The following MEGF10 variants were observed in gnomAD, a reference collection of about 807,000 sequenced individuals.
The protein encoded by MEGF10 is multiple epidermal growth factor-like domains protein 10.
In MEGF10, 86 loss-of-function variants were observed where a neutral mutation model predicts 147.5. The observed-to-expected ratio is 0.58, with a 90% CI of 0.49 to 0.70. MEGF10 has a LOEUF of 0.70. MEGF10 is among the 30% of genes least tolerant of loss of function. MEGF10 has a pLI of 0.00. For synonymous variants in MEGF10, 478 were observed against 525.5 expected, an observed-to-expected ratio of 0.91 and a Z score of 1.24; for missense variants, 1,329 against 1,487.3, an observed-to-expected ratio of 0.89 and a Z score of 1.75.
At chr5:127,357,780 T>G (rs1762332260) in intron 4 of MEGF10, among the ~76,000 whole-genome samples, 4 of 152,128 alleles carry the variant, frequency 2.6e-5, no homozygotes, top group Non-Finnish European at 4.4e-5. Flanking sequence ...CAATTTTATA[T>G]TTTAAACAAT....
chr5:127,384,907 C>T (rs1296024623), intron 5 of MEGF10, among the ~76,000 whole-genome samples: 1 of 152,114 alleles, frequency 6.6e-6, no homozygotes, highest in East Asian at 1.9e-4. Context: ...CTACCATTAA[C>T]AAAGGGAATG....
chr5:127,333,557 T>C (rs1761353463), intron 2 of MEGF10, among the ~76,000 whole-genome samples: 1 of 151,828 alleles, frequency 6.6e-6, no homozygotes, highest in African/African-American at 2.4e-5. Context: ...GAGAAAACCA[T>C]TTCAAGGCTT....
chr5:127,444,155 G>A (rs554688460), intron 19 of MEGF10, among the ~76,000 whole-genome samples: 1 of 152,326 alleles, frequency 6.6e-6, no homozygotes, highest in Admixed American at 6.5e-5. Flanking sequence ...CCTCCAGAGA[G>A]CCACAGCTCT....
intron 22 of MEGF10, 43 bp from the exon 23 acceptor site, chr5:127,454,523 C>G (rs1276559383): frequency 6.4e-7 from 1 of 1,571,854 alleles, no homozygotes; most frequent in Admixed American, 1.9e-5. Context: ...GTTTTTCTTC[C>G]TTTCAGTTCT....
the MEGF10 span, among the ~76,000 whole-genome samples, chr5:127,239,484 T>C: frequency 3.8e-4 from 55 of 145,012 alleles, no homozygotes; most frequent in East Asian, 2.4e-3. Context: ...ATAATATATA[T>C]ACACACACAC....
At chr5:127,316,913 T>A (rs960555536) in intron 1 of MEGF10, among the ~76,000 whole-genome samples, 6 of 152,170 alleles carry the variant, frequency 3.9e-5, no homozygotes, top group African/African-American at 1.4e-4. Context: ...AAAGTGACAG[T>A]TGATCCTTAA....
intron 2 of MEGF10, 30 bp from the exon 3 acceptor site, chr5:127,339,090 C>A: frequency 7.1e-7 from 1 of 1,412,422 alleles, no homozygotes; most frequent in South Asian, 1.2e-5. Flanking sequence ...AAGAGAAATA[C>A]TGATTTCTTA....
In MEGF10 at chr5:127,385,884, T is replaced by G. The variant is rs146042256; in HGVS notation, c.413-10648T>G. 3.1e-3 allele frequency among the ~76,000 whole-genome samples: 472 copies of G among 152,320 alleles called. 4 individuals carry two copies. The highest frequency in any genetic ancestry group is 0.011 in the African/African-American group (450 of 41,578). ...CTTTGGGAGGCCCAGGCAGGAGCAC[T>G]GCTTGAGGCCAGGAGTTCAAGACCA... On this transcript the variant is annotated intron_variant, in intron 5 of 24. Coordinates refer to ENST00000503335, the MANE Select transcript of MEGF10 (RefSeq NM_001256545.2).
chr5:127,246,535 A>G, the MEGF10 span, among the ~76,000 whole-genome samples: 2 of 151,804 alleles, frequency 1.3e-5, no homozygotes, highest in Non-Finnish European at 2.9e-5. Flanking sequence ...GCAAATTACC[A>G]TGGCACATGT....
chr5:127,411,780 T>C (rs1296664218), intron 9 of MEGF10, among the ~76,000 whole-genome samples: 1 of 152,206 alleles, frequency 6.6e-6, no homozygotes, highest in African/African-American at 2.4e-5. Flanking sequence ...AACTCTCTAA[T>C]ATTTAAGGAG....
At chr5:127,306,778 G>A (rs575626975) in intron 1 of MEGF10, among the ~76,000 whole-genome samples, 2 of 152,320 alleles carry the variant, frequency 1.3e-5, no homozygotes, top group African/African-American at 4.8e-5. Context: ...CCTAAGGAGA[G>A]ACATGCTTTT....
intron 24 of MEGF10, 95 bp downstream of exon 24, chr5:127,455,702 T>A (rs1311926727): frequency 1.0e-6 from 1 of 958,146 alleles, no homozygotes; most frequent in Non-Finnish European, 1.5e-6. Flanking sequence ...GTCATAGAAA[T>A]CTTATTGAAA....
At chr5:127,279,720 C>T in the MEGF10 span, among the ~76,000 whole-genome samples, 2 of 152,022 alleles carry the variant, frequency 1.3e-5, no homozygotes, top group Admixed American at 1.3e-4. Flanking sequence ...TAATTTGAAC[C>T]CTCCCCAAAT....
chr5:127,382,550 G>A (rs1763299421), intron 5 of MEGF10, among the ~76,000 whole-genome samples: 1 of 152,128 alleles, frequency 6.6e-6, no homozygotes, highest in Non-Finnish European at 1.5e-5. Context: ...GGTAAAATCA[G>A]TATTATATAA....
intron 20 of MEGF10, 103 bp from the exon 21 acceptor site, chr5:127,447,454 G>A: frequency 4.0e-6 from 6 of 1,511,972 alleles, no homozygotes. Context: ...TGGGATTACA[G>A]GCGTGAGCCA....
At chr5:127,452,120 T>A (rs1159535861) in intron 22 of MEGF10, among the ~76,000 whole-genome samples, 1 of 152,214 alleles carries the variant, frequency 6.6e-6, no homozygotes, top group African/African-American at 2.4e-5. Flanking sequence ...GAATCCTGAC[T>A]GCTCCCTCAT....
Position 127,445,688 on chromosome 5 carries a change from T to C in MEGF10, c.2723T>C (p.Ile908Thr). The C allele has an allele frequency of 1.2e-6, 2 of 1,612,622 alleles. No individual in the cohort carries two copies. The highest frequency in any genetic ancestry group is 1.7e-6 in the Non-Finnish European group (2 of 1,178,628). The change falls in exon 20 of 25, where the codon ATT (isoleucine) becomes ACT (threonine). Residue 908 changes from isoleucine to threonine, a missense_variant. Physicochemically the swap from Ile to Thr is moderately conservative, Grantham distance 89 (BLOSUM62 -1). Around this residue, in one of 3 missense-constraint regions of MEGF10, gnomAD observed 343 missense variants for 377.9 expected, o/e 0.91. Coordinates refer to ENST00000503335, the MANE Select transcript of MEGF10 (RefSeq NM_001256545.2). Reference protein sequence around the residue: ...AMRVVNADYTISGTLPHSNGG... With the variant: ...AMRVVNADYTTSGTLPHSNGG... ...AGGGTCGTCAATGCAGATTATACCA[T>C]TTCAGGTAAGAGCAGAGGCAGGAGA...
intron 5 of MEGF10, among the ~76,000 whole-genome samples, chr5:127,381,030 G>T (rs1284091290): frequency 6.6e-6 from 1 of 152,152 alleles, no homozygotes; most frequent in Non-Finnish European, 1.5e-5. Context: ...TTCTGAAATG[G>T]TGGCCCCATG....
chr5:127,348,140 A>G (rs530651525), intron 4 of MEGF10, among the ~76,000 whole-genome samples: 5 of 152,224 alleles, frequency 3.3e-5, no homozygotes, highest in East Asian at 1.9e-4. Flanking sequence ...TCTCATGGCA[A>G]TTCTTTATCA....
Sources: allele counts gnomAD v4.1 joint callset (sites outside exome capture counted in the v4.1 genomes callset), GRCh38; gene constraint gnomAD v4.1.1; regional missense constraint gnomAD v4.1.1; transcripts MANE v1.5; gene names NCBI Gene and HGNC (gene_info 2026-07-23, HGNC 2026-07-21).